FNBP4: variants seen among roughly 807,000 people sequenced by gnomAD.
FNBP4 encodes formin-binding protein 4.
FNBP4 carries 34 observed loss-of-function variants against 119.3 expected under a neutral mutation model. The ratio of observed to expected loss-of-function variants is 0.28; its 90% CI spans 0.22 to 0.38. FNBP4 has a LOEUF of 0.38. Among genes scored for constraint, FNBP4 ranks in the 10% least tolerant of loss-of-function variants. The pLI is 1.00. For missense variants in FNBP4, 1,112 were observed against 1,228.9 expected, an observed-to-expected ratio of 0.90 and a Z score of 1.42; for synonymous variants, 462 against 430.6, an observed-to-expected ratio of 1.07 and a Z score of -0.90.
intron 7 of FNBP4, 66 bp downstream of exon 7, chr11:47,745,990 G>A: frequency 1.5e-6 from 2 of 1,311,080 alleles, no homozygotes; most frequent in Non-Finnish European, 2.1e-6. Flanking sequence ...TGTAAGTCAA[G>A]CACAATGATC....
chr11:47,720,478 G>GA (rs1164355420), intron 15 of FNBP4, among the ~76,000 whole-genome samples: 1 of 152,022 alleles, frequency 6.6e-6, no homozygotes, highest in Admixed American at 6.6e-5. Context: ...TGAGATAGGA[G>GA]AATGGCATGA....
At chr11:47,737,542 G>A (rs899026052) in intron 8 of FNBP4, among the ~76,000 whole-genome samples, 8 of 150,956 alleles carry the variant, frequency 5.3e-5, no homozygotes, top group African/African-American at 1.9e-4. Context: ...TAGGCTCAAC[G>A]GATCCTCCCA....
intron 6 of FNBP4, among the ~76,000 whole-genome samples, chr11:47,748,669 A>G (rs924511156): frequency 2.0e-5 from 3 of 151,344 alleles, no homozygotes; most frequent in Admixed American, 6.6e-5. Context: ...TTTTTTTTTG[A>G]GATGGAGTCT....
chr11:47,747,574 TG>T (rs2097593071), intron 6 of FNBP4, among the ~76,000 whole-genome samples: 1 of 152,190 alleles, frequency 6.6e-6, no homozygotes, highest in Admixed American at 6.5e-5. Context: ...CCGAAAGTGC[TG>T]GGATTACAGG....
intron 2 of FNBP4, among the ~76,000 whole-genome samples, chr11:47,762,138 GT>G (rs560691118): frequency 3.5e-4 from 49 of 138,142 alleles, no homozygotes; most frequent in Middle Eastern, 4.1e-3. Flanking sequence ...GCGTCTGGCT[GT>G]TTTTTTTTTT....
chr11:47,752,856 A>G lies in FNBP4; in HGVS notation c.637+60T>C, dbSNP rs1439175890. 2.9e-6 allele frequency: 4 copies of G among 1,395,190 alleles called. No homozygotes were observed. In the East Asian group the frequency reaches 9.2e-5, roughly 32 times the overall value. The allele number at this position is 1,395,190 out of a possible 1,614,324, so 86.4% of individuals were successfully genotyped here. On this transcript the variant is annotated intron_variant, in intron 4 of 16. Coordinates refer to ENST00000263773, the MANE Select transcript of FNBP4 (RefSeq NM_015308.5). ...AAACAAACAAAAAACCAGAAAAGTG[A>G]ATGCCTAGAATCCCTTTAAGGATTT...
chr11:47,758,168 C>T (rs2097624052), intron 2 of FNBP4, among the ~76,000 whole-genome samples: 1 of 152,110 alleles, frequency 6.6e-6, no homozygotes, highest in South Asian at 2.1e-4. Context: ...GCAGCCTTGA[C>T]CTCCTGAGCT....
At chr11:47,764,484 T>A (rs959074777) in intron 2 of FNBP4, among the ~76,000 whole-genome samples, 5 of 151,888 alleles carry the variant, frequency 3.3e-5, no homozygotes, top group African/African-American at 1.2e-4. Flanking sequence ...TCTCTCACAT[T>A]CAAATTTTAG....
chr11:47,740,559 C>T (rs188039601), intron 8 of FNBP4, among the ~76,000 whole-genome samples: 2 of 151,532 alleles, frequency 1.3e-5, no homozygotes, highest in East Asian at 1.9e-4. Flanking sequence ...CTTTAGCTTC[C>T]TCATGGACAG....
At chr11:47,742,940 C>A (rs1343377430) in intron 8 of FNBP4, among the ~76,000 whole-genome samples, 3 of 150,682 alleles carry the variant, frequency 2.0e-5, no homozygotes, top group Non-Finnish European at 4.5e-5. Flanking sequence ...GGATGTCTTT[C>A]TTTATTTAAC....
At chr11:47,752,854 T>C in intron 4 of FNBP4, 62 bp downstream of exon 4, 1 of 1,384,446 alleles carries the variant, frequency 7.2e-7, no homozygotes, top group African/African-American at 1.4e-5. Flanking sequence ...ACCAGAAAAG[T>C]GAATGCCTAG....
At chr11:47,749,746 A>G (rs1252641110) in intron 6 of FNBP4, among the ~76,000 whole-genome samples, 1 of 152,174 alleles carries the variant, frequency 6.6e-6, no homozygotes, top group Non-Finnish European at 1.5e-5. Flanking sequence ...AAACCGTTTG[A>G]GCACTGACAT....
At chr11:47,743,811 G>A (rs2097585604) in intron 8 of FNBP4, 142 bp downstream of exon 8, 1 of 725,526 alleles carries the variant, frequency 1.4e-6, no homozygotes, top group African/African-American at 1.8e-5. Context: ...TAGAGAGGTG[G>A]ATGGAAGCTT....
chr11:47,746,800 C>T (rs948603398), intron 6 of FNBP4, among the ~76,000 whole-genome samples: 13 of 152,116 alleles, frequency 8.5e-5, no homozygotes, highest in South Asian at 8.3e-4. Flanking sequence ...TGTGAGCCAC[C>T]GTGCCCGGCC....
chr11:47,742,362 C>G (rs1480578108), intron 8 of FNBP4, among the ~76,000 whole-genome samples: 1 of 149,740 alleles, frequency 6.7e-6, no homozygotes, highest in Non-Finnish European at 1.5e-5. Context: ...GCCTGTAATC[C>G]CAGCTACTCA....
chr11:47,764,571 A>G (rs1372891036), intron 2 of FNBP4, among the ~76,000 whole-genome samples: 1 of 151,588 alleles, frequency 6.6e-6, no homozygotes, highest in East Asian at 1.9e-4. Flanking sequence ...AGGAATAAGC[A>G]TCTATCATTT....
At chr11:47,743,892 C>CA (rs2097585752) in intron 8 of FNBP4, 61 bp downstream of exon 8, 6 of 1,461,574 alleles carry the variant, frequency 4.1e-6, no homozygotes. Context: ...CAAAAAAAGA[C>CA]AAGAGTTTCC....
In FNBP4 at chr11:47,745,828, A is replaced by G. The variant is rs540251828; in HGVS notation, c.1245+228T>C. On this transcript the variant is annotated intron_variant, in intron 7 of 16. Transcript: ENST00000263773. ...CACTTATGGAAAATAGAAAGAACCTAGGTTGAAATATTGGGGGTGAGTTCC... is the reference window on the plus strand; with the variant it reads ...CACTTATGGAAAATAGAAAGAACCTGGGTTGAAATATTGGGGGTGAGTTCC... 1.2e-4 allele frequency among the ~76,000 whole-genome samples: 19 copies of G among 152,290 alleles called. No individual in the cohort carries two copies. In the East Asian group the frequency reaches 2.9e-3, roughly 23 times the overall value.
chr11:47,730,954 A>C (rs2097566686), intron 12 of FNBP4, among the ~76,000 whole-genome samples: 1 of 152,200 alleles, frequency 6.6e-6, no homozygotes, highest in African/African-American at 2.4e-5. Flanking sequence ...TTGTAAGATT[A>C]GTGGAGGTGA....
Sources: allele counts gnomAD v4.1 joint callset (sites outside exome capture counted in the v4.1 genomes callset), GRCh38; gene constraint gnomAD v4.1.1; transcripts MANE v1.5; gene names NCBI Gene and HGNC (gene_info 2026-07-23, HGNC 2026-07-21).